The following ARSB variants were observed in gnomAD, a reference collection of about 807,000 sequenced individuals.
ARSB encodes arylsulfatase B, also known as N-acetylgalactosamine-4-sulfatase.
In ARSB, 41 loss-of-function variants were observed where a neutral mutation model predicts 50.9. The observed-to-expected ratio is 0.81, with a 90% CI of 0.63 to 1.04. The LOEUF is 1.04. Among genes scored for constraint, ARSB ranks in the 50% least tolerant of loss-of-function variants. The pLI is 0.00. For synonymous variants in ARSB, 269 were observed against 284.8 expected, an observed-to-expected ratio of 0.94 and a Z score of 0.56; for missense variants, 672 against 693.3, an observed-to-expected ratio of 0.97 and a Z score of 0.35.
intron 4 of ARSB, among the ~76,000 whole-genome samples, chr5:78,894,955 T>C (rs1369149828): frequency 6.6e-6 from 1 of 152,042 alleles, no homozygotes; most frequent in Non-Finnish European, 1.5e-5. Context: ...CCATGCCTAA[T>C]GAGAGGCAAA....
chr5:78,980,395 A>G (rs1290845861), intron 1 of ARSB, among the ~76,000 whole-genome samples: 1 of 152,228 alleles, frequency 6.6e-6, no homozygotes, highest in East Asian at 1.9e-4. Flanking sequence ...ACAAAATGAC[A>G]TATGTGCAAA....
rs1752122294 is a variant in ARSB at position 78,964,440 on chromosome 5, G to A, written c.666C>T (p.Leu222=). 1.9e-6 allele frequency: 3 copies of A among 1,614,026 alleles called. No individual in the cohort carries two copies. The East Asian group carries it at 6.7e-5, about 36-fold the overall frequency. Residue 222 remains leucine, a synonymous_variant, in exon 3 of 8, where the codon CTC becomes CTT. Coordinates refer to ENST00000264914, the MANE Select transcript of ARSB (RefSeq NM_000046.5). ...TNIFTKRAIA[L]ITNHPPEKPL... ...CCTTCTCTGGTGGATGGTTAGTTAT[G>A]AGGGCTATAGCCCTTTTGGTGAATA...
At chr5:78,830,384 TTC>T (rs1344385778) in intron 6 of ARSB, among the ~76,000 whole-genome samples, 1 of 152,194 alleles carries the variant, frequency 6.6e-6, no homozygotes, top group Non-Finnish European at 1.5e-5. Flanking sequence ...TCAGGTCAGC[TTC>T]TGTGATCTGG....
rs113780229 is a variant in ARSB at position 78,968,879 on chromosome 5, T to C, written c.499+127A>G. 8.4e-4 allele frequency: 931 copies of C among 1,107,656 alleles called. 5 individuals are homozygous for C. In the African/African-American group the frequency reaches 1.0e-2, roughly 12 times the overall value. 68.6% of individuals were successfully genotyped at this position (1,107,656 alleles called of 1,614,324 possible). A position where few individuals can be genotyped will look rare whatever the true frequency, so the allele number is the denominator to read the frequency against. ...GAGGTAACATTAGAAAGCAGCCCCA[T>C]TACAGTGCCGACTGATTCACTCTGT... is the stretch of plus-strand genomic sequence containing the variant. On this transcript the variant is annotated intron_variant, in intron 2 of 7. Transcript: ENST00000264914.
At chr5:78,859,814 T>C (rs62377554) in intron 5 of ARSB, among the ~76,000 whole-genome samples, 18,990 of 151,864 alleles carry the variant, frequency 0.13, 1,401 homozygotes, top group Middle Eastern at 0.21. Flanking sequence ...CCTCTCTATG[T>C]CCACCCCCAC....
rs375726746 is a variant in ARSB, at chr5:78,873,233, A to G, written c.1142+12351T>C. On this transcript the variant is annotated intron_variant, in intron 5 of 7. Transcript: ENST00000264914. ...TAAAACTCAGACATCACACTTTTTA[A>G]AGGAAGGGAACTGGGAAAAAAAGGA... Among the ~76,000 whole-genome samples the G allele has an allele frequency of 1.2e-4, 18 of 152,282 alleles. No individual in the cohort carries two copies. In the East Asian group the frequency reaches 1.5e-3, roughly 13 times the overall value.
intron 5 of ARSB, among the ~76,000 whole-genome samples, chr5:78,853,223 G>A (rs1413173269): frequency 1.3e-5 from 2 of 152,212 alleles, no homozygotes; most frequent in South Asian, 2.1e-4. Flanking sequence ...GTGATGTACA[G>A]ATGGGTTTTT....
At chr5:78,816,144 A>G (rs2112665531) in intron 6 of ARSB, 1 of 1,614,124 alleles carries the variant, frequency 6.2e-7, no homozygotes, top group Middle Eastern at 1.6e-4. Context: ...ACTTTCCTGA[A>G]GATATACAGA....
At chr5:78,841,165 C>CTGCTAATAATAATAATAATAA (rs1554074360) in intron 5 of ARSB, among the ~76,000 whole-genome samples, 1 of 98,244 alleles carries the variant, frequency 1.0e-5, no homozygotes, top group African/African-American at 3.7e-5. Context: ...ACTACTACTA[C>CTGCTAATAATAATAATAATAA]TACTAATAAT....
chr5:78,862,417 A>C (rs1477128953), intron 5 of ARSB, among the ~76,000 whole-genome samples: 1 of 152,208 alleles, frequency 6.6e-6, no homozygotes, highest in African/African-American at 2.4e-5. Context: ...CAAAACAGAG[A>C]TATAGACCAA....
chr5:78,903,832 A>T (rs1311047169), intron 4 of ARSB, among the ~76,000 whole-genome samples: 3 of 152,240 alleles, frequency 2.0e-5, no homozygotes, highest in Non-Finnish European at 1.5e-5. Flanking sequence ...ATCAGATATG[A>T]AATCATGTGC....
intron 4 of ARSB, among the ~76,000 whole-genome samples, chr5:78,942,406 T>C (rs1750982285): frequency 6.6e-6 from 1 of 152,146 alleles, no homozygotes; most frequent in Non-Finnish European, 1.5e-5. Context: ...TCCTGCTTTC[T>C]CTCGTGGGCA....
intron 4 of ARSB, among the ~76,000 whole-genome samples, chr5:78,912,913 G>T (rs762667941): frequency 6.6e-6 from 1 of 152,088 alleles, no homozygotes; most frequent in Non-Finnish European, 1.5e-5. Context: ...TAGAAAGAAA[G>T]AATCAATATA....
At position 78,976,535 on chromosome 5, in the gene ARSB, T is replaced by C. The variant is rs577165193; in HGVS notation, c.313-7343A>G. On this transcript the variant is annotated intron_variant, in intron 1 of 7. Coordinates refer to ENST00000264914, the MANE Select transcript of ARSB (RefSeq NM_000046.5). Reference sequence around the variant, plus strand: ...TTCACCGAGGCTGCTCTCGAACTCCTGGACTCCAGTGATCCACCCACCTAG... The same window carrying C: ...TTCACCGAGGCTGCTCTCGAACTCCCGGACTCCAGTGATCCACCCACCTAG... 2.6e-5 allele frequency among the ~76,000 whole-genome samples: 4 copies of C among 152,256 alleles called. No individual in the cohort carries two copies. In the South Asian group the frequency reaches 8.3e-4, roughly 32 times the overall value.
At chr5:78,943,834 G>T (rs1167603806) in intron 4 of ARSB, among the ~76,000 whole-genome samples, 1 of 152,208 alleles carries the variant, frequency 6.6e-6, no homozygotes, top group African/African-American at 2.4e-5. Flanking sequence ...TGCCTTGCTA[G>T]ACTGGGGAAG....
intron 1 of ARSB, among the ~76,000 whole-genome samples, chr5:78,982,473 G>C (rs560801997): frequency 2.0e-5 from 3 of 152,226 alleles, no homozygotes; most frequent in Admixed American, 6.5e-5. Flanking sequence ...GCAGTCCTTG[G>C]GATGTTATTT....
chr5:78,985,017 C>T lies in ARSB; in HGVS notation c.232G>A (p.Gly78Ser), dbSNP rs745844500. 36 of 1,539,642 alleles carry T rather than the reference C, an allele frequency of 2.3e-5. No homozygotes were observed. The South Asian group carries it at 3.2e-4, about 14-fold the overall frequency. The change falls in exon 1 of 8, where the codon GGC becomes AGC. Residue 78 changes from glycine to serine, a missense_variant. Gly to Ser is a moderately conservative substitution (Grantham distance 56). Transcript: ENST00000264914. ...RTPHLDALAAGGVLLDNYYTQ... is the reference protein window; with the variant it reads ...RTPHLDALAASGVLLDNYYTQ... ...TAGTAGTTGTCCAGGAGCACCCCGCCGGCCGCCAGCGCGTCCAGGTGCGGC... is the reference window on the plus strand; with the variant it reads ...TAGTAGTTGTCCAGGAGCACCCCGCTGGCCGCCAGCGCGTCCAGGTGCGGC...
chr5:78,985,652 CAGTT>C (rs151289643), upstream of ARSB: 2,432 of 156,210 alleles, frequency 0.016, 75 homozygotes, highest in African/African-American at 0.054. Flanking sequence ...ACAACTCTGA[CAGTT>C]AGACATTATA....
At chr5:78,942,029 T>C (rs1027001061) in intron 4 of ARSB, among the ~76,000 whole-genome samples, 1 of 152,172 alleles carries the variant, frequency 6.6e-6, no homozygotes, top group Non-Finnish European at 1.5e-5. Flanking sequence ...ATGTATCCAG[T>C]AATTTATCCG....
Sources: gnomAD v4.1 joint callset for allele counts (sites outside exome capture counted in the v4.1 genomes callset) on GRCh38, gnomAD v4.1.1 for gene constraint, MANE v1.5 for transcripts, NCBI Gene and HGNC (gene_info 2026-07-23, HGNC 2026-07-21) for gene names.